Variants in ZNF638 observed in about 807,000 individuals in gnomAD.
The protein encoded by ZNF638 is CTCL tumor antigen se33-1.
Under a neutral mutation model 195.6 loss-of-function variants are expected in ZNF638, and 46 were observed. The observed-to-expected ratio is 0.24, with a 90% confidence interval of 0.19 to 0.30. ZNF638 has a LOEUF of 0.30. Among genes scored for constraint, ZNF638 ranks in the 10% least tolerant of loss-of-function variants. ZNF638 has a pLI of 1.00. For missense variants in ZNF638, 2,440 were observed against 2,325.3 expected (o/e 1.05, Z -1.01); for synonymous variants, 845 against 772.0 (o/e 1.09, Z -1.57).
rs756678293 is a variant in ZNF638, at chr2:71,396,211, A to G, written c.2428+20A>G. On this transcript the variant is annotated intron_variant, in intron 11 of 27. Coordinates refer to ENST00000264447, the MANE Select transcript of ZNF638 (RefSeq NM_014497.5). ...CTACAGGTATGTTTTTTTAATTAGGATTCTAGACTATTAGTTAAAACTTTA... is the reference window on the plus strand; with the variant it reads ...CTACAGGTATGTTTTTTTAATTAGGGTTCTAGACTATTAGTTAAAACTTTA... 1.3e-6 allele frequency: 2 copies of G among 1,595,670 alleles called. No homozygotes were observed. The highest frequency in any genetic ancestry group is 1.7e-6 in the Non-Finnish European group (2 of 1,169,128).
chr2:71,364,632 T>A (rs910481396), intron 5 of ZNF638, among the ~76,000 whole-genome samples: 1 of 152,306 alleles, frequency 6.6e-6, no homozygotes, highest in Non-Finnish European at 1.5e-5. Flanking sequence ...AACACACACC[T>A]TCTTCTACAA....
intron 19 of ZNF638, 123 bp from the exon 20 acceptor site, chr2:71,407,999 G>A: frequency 1.2e-6 from 1 of 864,662 alleles, no homozygotes; most frequent in Non-Finnish European, 1.7e-6. Flanking sequence ...ACAAATACAT[G>A]TTTAAGTATC....
chr2:71,368,492 A>T lies in ZNF638; in HGVS notation c.2106A>T (p.Lys702Asn). Residue 702 changes from lysine (K) to asparagine (N), a missense_variant, in exon 7 of 28, where the codon AAA becomes AAT. By Grantham distance (94) the Lys-to-Asn change is moderately conservative. Coordinates refer to ENST00000264447, the MANE Select transcript of ZNF638 (RefSeq NM_014497.5). ...DVRKLFQPFG[K>N]VNDVLIVPYR... The stretch of plus-strand genomic sequence containing the variant: ...GAAAATTATTTCAACCATTTGGGAA[A>T]GTGAATGATGTCCTAATTGTTCCAT... 1 of 1,613,438 alleles carries T rather than the reference A, an allele frequency of 6.2e-7. No individual in the cohort carries two copies. The highest frequency in any genetic ancestry group is 8.5e-7 in the Non-Finnish European group (1 of 1,179,742).
intron 10 of ZNF638, among the ~76,000 whole-genome samples, chr2:71,387,312 C>T (rs1573095820): frequency 1.3e-5 from 2 of 152,114 alleles, no homozygotes; most frequent in Non-Finnish European, 2.9e-5. Context: ...GATAATATTT[C>T]GTTTTAGTTG....
chr2:71,357,323 C>T (rs2079039854), intron 3 of ZNF638, among the ~76,000 whole-genome samples: 1 of 152,068 alleles, frequency 6.6e-6, no homozygotes, highest in Admixed American at 6.5e-5. Context: ...ATAAGTGTCA[C>T]CTGGATCTTT....
In ZNF638 at chr2:71,431,339, C is replaced by T. The variant is rs1486562709; in HGVS notation, c.5663C>T (p.Ser1888Phe). ...AFQMSEVDEE[S>F]GLKDSEPERK... is the part of the protein sequence containing the mutation. Reference sequence around the variant, plus strand: ...CGAAAAATTTTAGTTGATGAGGAATCTGGATTAAAGGATTCAGAACCAGAG... The same window carrying T: ...CGAAAAATTTTAGTTGATGAGGAATTTGGATTAAAGGATTCAGAACCAGAG... The change falls in exon 26 of 28, where the codon TCT (serine) becomes TTT (phenylalanine). Residue 1888 changes from serine (S) to phenylalanine (F), a missense_variant. Ser to Phe is a radical substitution (Grantham distance 155). This residue lies in a region of ZNF638 where 1,883 missense variants were observed against 1,739.1 expected (regional missense o/e 1.08). Transcript: ENST00000264447. 6.2e-7 allele frequency: 1 copy of T among 1,611,622 alleles called. No homozygotes were observed. The highest frequency in any genetic ancestry group is 8.5e-7 in the Non-Finnish European group (1 of 1,178,550).
intron 6 of ZNF638, among the ~76,000 whole-genome samples, chr2:71,365,908 G>A (rs1471968123): frequency 6.6e-6 from 1 of 152,054 alleles, no homozygotes; most frequent in Non-Finnish European, 1.5e-5. Flanking sequence ...TTGTAGAGAT[G>A]GGGTCTTGCC....
chr2:71,419,743 G>A lies in ZNF638; in HGVS notation c.3299+1104G>A, dbSNP rs529513413. Among the ~76,000 whole-genome samples the A allele has an allele frequency of 1.8e-3, 277 of 152,074 alleles. 1 individual carries two copies. The highest frequency in any genetic ancestry group is 1.8e-3 in the Non-Finnish European group (125 of 67,978). ...ATATATAGACCTAAAGATTGGCCAC[G>A]TTAACTCTGTGGCAAAACCCATTTT... On this transcript the variant is annotated intron_variant, in intron 21 of 27. Coordinates refer to ENST00000264447, the MANE Select transcript of ZNF638 (RefSeq NM_014497.5).
At position 71,423,937 on chromosome 2, in the gene ZNF638, C is replaced by G; in HGVS notation, c.4423C>G (p.Gln1475Glu). 3 of 1,614,018 alleles carry G rather than the reference C, an allele frequency of 1.9e-6. No homozygotes were observed. Among genetic ancestry groups the G allele is most frequent in the Non-Finnish European group, 2.5e-6 (3 of 1,179,964 alleles). The stretch of plus-strand genomic sequence containing the variant: ...AGGCAGTGGAAGGATCTCAGCCCTG[C>G]AAGGCAAGCTTTCTAAACTGGATTA... Reference protein sequence around the residue: ...RGGSGRISALQGKLSKLDYRD... With the variant: ...RGGSGRISALEGKLSKLDYRD... Residue 1475 changes from glutamine (Q) to glutamate (E), a missense_variant, in exon 22 of 28, where the codon CAA becomes GAA. Coordinates refer to ENST00000264447, the MANE Select transcript of ZNF638 (RefSeq NM_014497.5).
chr2:71,424,780 A>T, intron 23 of ZNF638, 65 bp downstream of exon 23: 2 of 1,314,234 alleles, frequency 1.5e-6, no homozygotes. Flanking sequence ...CATCTATCTT[A>T]TAACTTGTGC....
chr2:71,400,190 T>G lies in ZNF638; in HGVS notation c.2656+10T>G. 1 of 1,596,988 alleles carries G rather than the reference T, an allele frequency of 6.3e-7. No homozygotes were observed. Among genetic ancestry groups the G allele is most frequent in the South Asian group, 1.1e-5 (1 of 87,944 alleles). Reference sequence around the variant, plus strand: ...AAAGAAGCTATTTCTGGTAGGTCAATAGAAATTTTATTTTGTTCTTTACTT... The same window carrying G: ...AAAGAAGCTATTTCTGGTAGGTCAAGAGAAATTTTATTTTGTTCTTTACTT... On this transcript the variant is annotated intron_variant, in intron 14 of 27. Transcript: ENST00000264447.
chr2:71,333,027 G>C (rs1157408130), intron 1 of ZNF638: 1 of 152,086 alleles, frequency 6.6e-6, no homozygotes, highest in Non-Finnish European at 1.5e-5. Context: ...TGCTGGTTCA[G>C]ATTTACAATT....
At position 71,352,742 on chromosome 2, in the gene ZNF638, C is replaced by A. The variant is rs970190119; in HGVS notation, c.1317+2471C>A. Among the ~76,000 whole-genome samples, 3 of 152,070 alleles carry A rather than the reference C, an allele frequency of 2.0e-5. No individual in the cohort carries two copies. The South Asian group carries it at 6.2e-4, about 31-fold the overall frequency. On this transcript the variant is annotated intron_variant, in intron 2 of 27. Coordinates refer to ENST00000264447, the MANE Select transcript of ZNF638 (RefSeq NM_014497.5). The stretch of plus-strand genomic sequence containing the variant: ...TGTTGGAAGTATATTTTAGGGAGAT[C>A]TGACTGAAGTATGCAGGGTAAATAG...
At chr2:71,340,757 TTAATG>T (rs1376657010) in intron 1 of ZNF638, among the ~76,000 whole-genome samples, 2 of 152,146 alleles carry the variant, frequency 1.3e-5, no homozygotes, top group African/African-American at 4.8e-5. Context: ...AGATTTACAC[TTAATG>T]TATCTGGTAT....
chr2:71,348,598 G>A (rs2078893584), intron 1 of ZNF638, 155 bp from the exon 2 acceptor site: 2 of 1,203,240 alleles, frequency 1.7e-6, no homozygotes, highest in Non-Finnish European at 2.1e-6. Flanking sequence ...AAAGTTTTTG[G>A]GAAATTTAAA....
chr2:71,405,233 A>G (rs568784694), intron 17 of ZNF638, among the ~76,000 whole-genome samples: 5 of 152,082 alleles, frequency 3.3e-5, no homozygotes, highest in African/African-American at 9.7e-5. Flanking sequence ...ATTTGCCTGC[A>G]TTTCTGTTCT....
chr2:71,402,326 T>G (rs1396371447), intron 16 of ZNF638, among the ~76,000 whole-genome samples: 2 of 152,150 alleles, frequency 1.3e-5, no homozygotes, highest in Non-Finnish European at 2.9e-5. Context: ...ACTCAAAATT[T>G]TAGTTTAATA....
chr2:71,404,490 G>T (rs546305693), intron 17 of ZNF638, among the ~76,000 whole-genome samples: 8 of 152,276 alleles, frequency 5.3e-5, no homozygotes, highest in Non-Finnish European at 8.8e-5. Flanking sequence ...TGGGAGGACT[G>T]TGTGAGCCCA....
chr2:71,395,480 C>T (rs111582481), intron 10 of ZNF638: 11,169 of 607,356 alleles, frequency 0.018, 124 homozygotes, highest in Non-Finnish European at 0.022. Context: ...AATTCTCTTA[C>T]CCTGACGCTA....
Sources: allele counts gnomAD v4.1 joint callset (sites outside exome capture counted in the v4.1 genomes callset), GRCh38; gene constraint gnomAD v4.1.1; regional missense constraint gnomAD v4.1.1; transcripts MANE v1.5; gene names NCBI Gene and HGNC (gene_info 2026-07-23, HGNC 2026-07-21).